The following CRMP1 variants were observed in gnomAD, a reference collection of about 807,000 sequenced individuals.
CRMP1 encodes the protein collapsin response mediator protein 1, also known as dihydropyrimidinase-related protein 1.
A neutral mutation model predicts 68.3 loss-of-function variants in CRMP1; 19 were observed. That is an observed-to-expected ratio of 0.28 (90% CI 0.19 to 0.41). The LOEUF (loss-of-function observed/expected upper bound fraction) is 0.41, where lower values mean the gene tolerates loss of function less well. CRMP1 is among the 10% of genes least tolerant of loss of function. The pLI is 1.00. For synonymous variants in CRMP1, 439 were observed against 399.6 expected, an observed-to-expected ratio of 1.10 and a Z score of -1.18; for missense variants, 791 against 967.4, an observed-to-expected ratio of 0.82 and a Z score of 2.42.
rs546010989 is a variant in CRMP1, at chr4:5,834,211, T to A, written c.1623+1704A>T. ...TCCCACAGCCAGATGGCGGTAGGAG[T>A]GCACACCCTGTGCTATGGTTGGAAT... On this transcript the variant is annotated intron_variant, in intron 11 of 13. Coordinates refer to ENST00000324989, the MANE Select transcript of CRMP1 (RefSeq NM_001014809.3). This position sits in a 1 kb window ranked among gnomAD's most constrained non-coding sequence, Gnocchi z 4.3. Among the ~76,000 whole-genome samples, 2 of 152,202 alleles carry A rather than the reference T, an allele frequency of 1.3e-5. No homozygotes were observed. Among genetic ancestry groups the A allele is most frequent in the South Asian group, 4.2e-4 (2 of 4,814 alleles).
chr4:5,836,694 C>T, intron 10 of CRMP1, 71 bp downstream of exon 10: 2 of 1,608,484 alleles, frequency 1.2e-6, no homozygotes, highest in South Asian at 2.2e-5. Context: ...ACCCAGCGTG[C>T]ATAATGCATC....
At position 5,842,469 on chromosome 4, in the gene CRMP1, AAAG is replaced by A. The variant is rs1051842666; in HGVS notation, c.1032+621_1032+623del. On this transcript the variant is annotated intron_variant, in intron 7 of 13. Transcript: ENST00000324989. The surrounding 1 kb of genome is among the most constrained non-coding windows in gnomAD (Gnocchi z 4.5). ...AAAAGAAAAGAAAGAAAGAAAGTAA[AAAG>A]AAGGTGTCCTCAACTCAAAGGATGG... Among the ~76,000 whole-genome samples, 21 of 151,776 alleles carry A rather than the reference AAAG, an allele frequency of 1.4e-4. No individual in the cohort carries two copies. Among genetic ancestry groups the A allele is most frequent in the African/African-American group, 5.1e-4 (21 of 41,424 alleles).
intron 6 of CRMP1, 98 bp downstream of exon 6, chr4:5,849,294 T>C (rs1307953052): frequency 3.1e-6 from 3 of 963,672 alleles, no homozygotes; most frequent in East Asian, 4.8e-5. Flanking sequence ...TGACCTTTCA[T>C]TGTACAGCCT....
Position 5,866,635 on chromosome 4 carries a change from G to C in CRMP1, c.470+33C>G, listed in dbSNP as rs763043415. The C allele has an allele frequency of 1.9e-5, 30 of 1,547,462 alleles. No homozygotes were observed. The highest frequency in any genetic ancestry group is 2.1e-5 in the Non-Finnish European group (24 of 1,124,290). ...TAAGGCCAGGCAGCCTGGCGACACA[G>C]GTTTCTTAAAAGGTCCGTTTTGATC... On this transcript the variant is annotated intron_variant, in intron 2 of 13. Transcript: ENST00000324989. This position sits in a 1 kb window ranked among gnomAD's most constrained non-coding sequence, Gnocchi z 5.9.
chr4:5,868,050 T>G (rs1489005182), intron 1 of CRMP1, among the ~76,000 whole-genome samples: 2 of 151,784 alleles, frequency 1.3e-5, no homozygotes, highest in Non-Finnish European at 2.9e-5. Flanking sequence ...CTTCTATTTG[T>G]CAATACCATT....
chr4:5,883,795 T>C lies in CRMP1; in HGVS notation c.381+8794A>G, dbSNP rs1040822780. Among the ~76,000 whole-genome samples the C allele has an allele frequency of 1.3e-5, 2 of 152,230 alleles. No homozygotes were observed. Among genetic ancestry groups the C allele is most frequent in the Non-Finnish European group, 2.9e-5 (2 of 68,042 alleles). Reference sequence around the variant, plus strand: ...CCTGTTAGATATTTACTATGTGCCATGCACACTCATGTATGTTGTATTGTG... The same window carrying C: ...CCTGTTAGATATTTACTATGTGCCACGCACACTCATGTATGTTGTATTGTG... On this transcript the variant is annotated intron_variant, in intron 1 of 13. Transcript: ENST00000324989. The surrounding 1 kb of genome is among the most constrained non-coding windows in gnomAD (Gnocchi z 4.5).
Position 5,841,098 on chromosome 4 carries a change from T to C in CRMP1, c.1153+210A>G, listed in dbSNP as rs1383472362. 6.6e-6 allele frequency among the ~76,000 whole-genome samples: 1 copy of C among 152,228 alleles called. No homozygotes were observed. Among genetic ancestry groups the C allele is most frequent in the Non-Finnish European group, 1.5e-5 (1 of 68,036 alleles). On this transcript the variant is annotated intron_variant, in intron 8 of 13. Transcript: ENST00000324989. This position sits in a 1 kb window ranked among gnomAD's most constrained non-coding sequence, Gnocchi z 6.9. ...AACATAATATATTATTAAAATTCTC[T>C]TTAAATGGAGCTGAGCTTATCGAGG...
Position 5,883,761 on chromosome 4 carries a change from G to A in CRMP1, c.381+8828C>T, listed in dbSNP as rs1461272973. Among the ~76,000 whole-genome samples the A allele has an allele frequency of 6.6e-6, 1 of 152,088 alleles. No individual in the cohort carries two copies. On this transcript the variant is annotated intron_variant, in intron 1 of 13. Transcript: ENST00000324989. This position sits in a 1 kb window ranked among gnomAD's most constrained non-coding sequence, Gnocchi z 4.5. ...AGACACAGCCTGAGTTTTCAGAACAGAGCTATGACCTGTTAGATATTTACT... is the reference window on the plus strand; with the variant it reads ...AGACACAGCCTGAGTTTTCAGAACAAAGCTATGACCTGTTAGATATTTACT...
Position 5,883,262 on chromosome 4 carries a change from C to T in CRMP1, c.381+9327G>A, listed in dbSNP as rs13111462. ...TTCCTTCCTTCCTTCCTTCCTTCCT[C>T]CCTCCCTCCCTCCCTTCCTGTCTTT... On this transcript the variant is annotated intron_variant, in intron 1 of 13. Transcript: ENST00000324989. The surrounding 1 kb of genome is among the most constrained non-coding windows in gnomAD (Gnocchi z 4.5). Among the ~76,000 whole-genome samples the T allele has an allele frequency of 0.58, 81,550 of 141,678 alleles. 22,608 individuals are homozygous for T. The highest frequency in any genetic ancestry group is 0.75 in the East Asian group (3,723 of 4,934). 92.9% of individuals were successfully genotyped at this position (141,678 alleles called of 152,430 possible). A position where few individuals can be genotyped will look rare whatever the true frequency, so the allele number is the denominator to read the frequency against.
At chr4:5,885,193 C>T (rs990039312) in intron 1 of CRMP1, among the ~76,000 whole-genome samples, 3 of 152,082 alleles carry the variant, frequency 2.0e-5, no homozygotes, top group Non-Finnish European at 4.4e-5. Context: ...TTGCCTTTGC[C>T]CATGCTGCGC....
chr4:5,892,163 T>C lies in CRMP1; in HGVS notation c.381+426A>G, dbSNP rs1715980347. Among the ~76,000 whole-genome samples the C allele has an allele frequency of 6.6e-6, 1 of 151,908 alleles. No homozygotes were observed. Among genetic ancestry groups the C allele is most frequent in the Non-Finnish European group, 1.5e-5 (1 of 67,974 alleles). On this transcript the variant is annotated intron_variant, in intron 1 of 13. Coordinates refer to ENST00000324989, the MANE Select transcript of CRMP1 (RefSeq NM_001014809.3). The surrounding 1 kb of genome is among the most constrained non-coding windows in gnomAD (Gnocchi z 8.6). ...CACACAGTAGGTGCTCTATAATTAC[T>C]ACCGACTGAGTGGATGGATGAATGG...
At position 5,858,565 on chromosome 4, in the gene CRMP1, T is replaced by G. The variant is rs1325684000; in HGVS notation, c.656-2258A>C. ...CCTCCATATCCCTGGAGCTGTCCAA[T>G]TCTGCCCACTCCATGGCCACGCCAC... On this transcript the variant is annotated intron_variant, in intron 3 of 13. Coordinates refer to ENST00000324989, the MANE Select transcript of CRMP1 (RefSeq NM_001014809.3). The surrounding 1 kb of genome is among the most constrained non-coding windows in gnomAD (Gnocchi z 5.5). Among the ~76,000 whole-genome samples, 3 of 152,076 alleles carry G rather than the reference T, an allele frequency of 2.0e-5. No homozygotes were observed. The highest frequency in any genetic ancestry group is 1.5e-5 in the Non-Finnish European group (1 of 68,010).
At chr4:5,852,687 A>G (rs1008153528) in intron 4 of CRMP1, among the ~76,000 whole-genome samples, 2 of 152,228 alleles carry the variant, frequency 1.3e-5, no homozygotes, top group African/African-American at 2.4e-5. Context: ...TGCAACTGTG[A>G]GTAAGACGAC....
rs1369536057 is a variant in CRMP1, at chr4:5,881,119, G to A, written c.381+11470C>T. On this transcript the variant is annotated intron_variant, in intron 1 of 13. Coordinates refer to ENST00000324989, the MANE Select transcript of CRMP1 (RefSeq NM_001014809.3). This position sits in a 1 kb window ranked among gnomAD's most constrained non-coding sequence, Gnocchi z 4.6. The stretch of plus-strand genomic sequence containing the variant: ...GCCACACATGGTGTGCCAGGTCAAG[G>A]CGAATGCTCTGGATGCCTGGGACAC... 2.6e-5 allele frequency among the ~76,000 whole-genome samples: 4 copies of A among 152,216 alleles called. No individual in the cohort carries two copies. Among genetic ancestry groups the A allele is most frequent in the African/African-American group, 9.7e-5 (4 of 41,448 alleles).
In CRMP1 at chr4:5,854,753, G is replaced by A. The variant is rs1312541095; in HGVS notation, c.820+1390C>T. On this transcript the variant is annotated intron_variant, in intron 4 of 13. Transcript: ENST00000324989. The surrounding 1 kb of genome is among the most constrained non-coding windows in gnomAD (Gnocchi z 4.0). The stretch of plus-strand genomic sequence containing the variant: ...CATAGAAGCAATAATGCCCAATGGT[G>A]CAAAGGTGCAGGGACTAGAGATTCT... Among the ~76,000 whole-genome samples, 1 of 152,194 alleles carries A rather than the reference G, an allele frequency of 6.6e-6. No individual in the cohort carries two copies. Among genetic ancestry groups the A allele is most frequent in the African/African-American group, 2.4e-5 (1 of 41,454 alleles).
In CRMP1 at chr4:5,825,709, C is replaced by T. The variant is rs778558362; in HGVS notation, c.1804-50G>A. 1 of 1,582,378 alleles carries T rather than the reference C, an allele frequency of 6.3e-7. No individual in the cohort carries two copies. The highest frequency in any genetic ancestry group is 8.6e-7 in the Non-Finnish European group (1 of 1,165,000). The stretch of plus-strand genomic sequence containing the variant: ...ATTGATCGACACTGTGCATGTGTGC[C>T]CTTCTGGGCAGATAAAGCAGAGCCC... On this transcript the variant is annotated intron_variant, in intron 12 of 13. Transcript: ENST00000324989. This position sits in a 1 kb window ranked among gnomAD's most constrained non-coding sequence, Gnocchi z 4.4.
Position 5,888,450 on chromosome 4 carries a change from G to A in CRMP1, c.381+4139C>T. On this transcript the variant is annotated intron_variant, in intron 1 of 13. Transcript: ENST00000324989. The surrounding 1 kb of genome is among the most constrained non-coding windows in gnomAD (Gnocchi z 6.4). ...GCCCCGGCTGCTCGGCCCGCCCGCC[G>A]CCGCTCCGGCTGCCAGCACCGCCCG... The A allele has an allele frequency of 8.2e-7, 1 of 1,213,752 alleles. No individual in the cohort carries two copies. The highest frequency in any genetic ancestry group is 4.3e-5 in the Admixed American group (1 of 23,070). The allele number at this position is 1,213,752 out of a possible 1,614,324, so 75.2% of individuals were successfully genotyped here. A position where few individuals can be genotyped will look rare whatever the true frequency, so the allele number is the denominator to read the frequency against.
chr4:5,842,194 C>T lies in CRMP1; in HGVS notation c.1033-766G>A, dbSNP rs1387171399. On this transcript the variant is annotated intron_variant, in intron 7 of 13. Coordinates refer to ENST00000324989, the MANE Select transcript of CRMP1 (RefSeq NM_001014809.3). This position sits in a 1 kb window ranked among gnomAD's most constrained non-coding sequence, Gnocchi z 4.5. ...CAGAGCTTGCAGTGAGCCAAGATGG[C>T]GCCACTTCACTCCAGCCTGGGCGAC... Among the ~76,000 whole-genome samples the T allele has an allele frequency of 4.0e-5, 6 of 151,854 alleles. No individual in the cohort carries two copies. Among genetic ancestry groups the T allele is most frequent in the African/African-American group, 1.5e-4 (6 of 41,358 alleles).
intron 11 of CRMP1, among the ~76,000 whole-genome samples, chr4:5,835,245 G>T (rs1720655956): frequency 6.6e-6 from 1 of 152,102 alleles, no homozygotes; most frequent in Non-Finnish European, 1.5e-5. Flanking sequence ...TTGGGTCTGT[G>T]CGTGTAGTTG....
Sources: allele counts gnomAD v4.1 joint callset (sites outside exome capture counted in the v4.1 genomes callset), GRCh38; gene constraint gnomAD v4.1.1; non-coding constraint Gnocchi (gnomAD v3.1); transcripts MANE v1.5; gene names NCBI Gene and HGNC (gene_info 2026-07-23, HGNC 2026-07-21).